ADAMTS17: variants seen among roughly 807,000 people sequenced by gnomAD.
ADAMTS17 encodes ADAM metallopeptidase with thrombospondin type 1 motif 17.
In ADAMTS17, 113 loss-of-function variants were observed where a neutral mutation model predicts 141.5. The ratio of observed to expected loss-of-function variants is 0.80; its 90% CI spans 0.69 to 0.93. ADAMTS17 has a LOEUF of 0.93. Ranked by LOEUF, ADAMTS17 falls within the 40% of genes least tolerant of loss-of-function variation. ADAMTS17 has a pLI of 0.00. For missense variants in ADAMTS17, 1,659 were observed against 1,517.9 expected (o/e 1.09, Z -1.54); for synonymous variants, 768 against 630.6 (o/e 1.22, Z -3.27).
At chr15:100,320,487 A>T (rs558807278) in intron 3 of ADAMTS17, among the ~76,000 whole-genome samples, 11 of 152,338 alleles carry the variant, frequency 7.2e-5, no homozygotes, top group South Asian at 2.1e-4. Context: ...TAGTATCTTT[A>T]AAGTGTGAAG....
At chr15:99,985,478 A>T (rs2060566401) in intron 20 of ADAMTS17, among the ~76,000 whole-genome samples, 1 of 152,258 alleles carries the variant, frequency 6.6e-6, no homozygotes, top group African/African-American at 2.4e-5. Flanking sequence ...GAGAGATAAG[A>T]GATTTACACT....
In ADAMTS17 at chr15:100,120,344, G is replaced by A. The variant is rs1237508209; in HGVS notation, c.1722-3331C>T. On this transcript the variant is annotated intron_variant, in intron 12 of 21. Transcript: ENST00000268070. ...CTGCCCATCCTTCACCCACAAGGCA[G>A]GCAGCTATGTCTGTGCTCCTGTTGC... 3.3e-5 allele frequency among the ~76,000 whole-genome samples: 5 copies of A among 152,328 alleles called. No homozygotes were observed. The East Asian group carries it at 9.6e-4, about 29-fold the overall frequency.
chr15:100,273,230 G>A (rs8039178), intron 4 of ADAMTS17, among the ~76,000 whole-genome samples: 3,542 of 152,226 alleles, frequency 0.023, 126 homozygotes, highest in African/African-American at 0.079. Context: ...GTTAGGAAGT[G>A]TTCTCTCCTC....
intron 4 of ADAMTS17, among the ~76,000 whole-genome samples, chr15:100,272,236 C>CA (rs1303439328): frequency 3.9e-5 from 6 of 152,016 alleles, no homozygotes; most frequent in Admixed American, 2.0e-4. Context: ...TCTATCTCTG[C>CA]AAAAAAGTCA....
chr15:100,019,865 C>T (rs1233926856), intron 18 of ADAMTS17, among the ~76,000 whole-genome samples: 2 of 152,202 alleles, frequency 1.3e-5, no homozygotes, highest in Non-Finnish European at 2.9e-5. Flanking sequence ...CCAGCTCACA[C>T]TTGGAGATGA....
chr15:100,028,521 A>G (rs1259867587), intron 18 of ADAMTS17, among the ~76,000 whole-genome samples: 3 of 152,248 alleles, frequency 2.0e-5, no homozygotes, highest in South Asian at 2.1e-4. Flanking sequence ...CTAGAAAATC[A>G]TAACAGTGAT....
At chr15:100,011,071 CAGTG>C (rs2061157654) in intron 18 of ADAMTS17, among the ~76,000 whole-genome samples, 1 of 151,694 alleles carries the variant, frequency 6.6e-6, no homozygotes, top group Non-Finnish European at 1.5e-5. Context: ...CTTTTGCTAA[CAGTG>C]AGGACTACTG....
intron 10 of ADAMTS17, among the ~76,000 whole-genome samples, chr15:100,142,430 G>A (rs983726486): frequency 2.6e-5 from 4 of 152,194 alleles, no homozygotes; most frequent in African/African-American, 9.7e-5. Context: ...GAAGGGACAG[G>A]CCCATGTGAT....
At chr15:99,974,669 C>G in intron 21 of ADAMTS17, 107 bp from the exon 22 acceptor site, 1 of 1,410,218 alleles carries the variant, frequency 7.1e-7, no homozygotes, top group South Asian at 1.2e-5. Flanking sequence ...CCCTCACCCT[C>G]GTGCACACGT....
rs566556319 is a variant in ADAMTS17 at position 100,073,531 on chromosome 15, A to T, written c.2138-19477T>A. Among the ~76,000 whole-genome samples, 1,094 of 152,106 alleles carry T rather than the reference A, an allele frequency of 7.2e-3. 12 individuals carry two copies. The highest frequency in any genetic ancestry group is 0.025 in the African/African-American group (1,042 of 41,440). The stretch of plus-strand genomic sequence containing the variant: ...ACCAACCCAAATGTCCAATAATGAT[A>T]GACTGGATTAAAAAAATGTGGCACA... On this transcript the variant is annotated intron_variant, in intron 15 of 21. Transcript: ENST00000268070.
rs1308236651 is a variant in ADAMTS17 at position 100,072,140 on chromosome 15, T to TG, written c.2138-18087dup. 1.8e-4 allele frequency among the ~76,000 whole-genome samples: 27 copies of TG among 149,810 alleles called. 1 individual carries two copies. Among genetic ancestry groups the TG allele is most frequent in the Admixed American group, 4.0e-4 (6 of 14,968 alleles). ...GATAAACAGAGAGCCAAATCATGAG[T>TG]GAACTCCCATTCACAATTGCTTCAA... On this transcript the variant is annotated intron_variant, in intron 15 of 21. Coordinates refer to ENST00000268070, the MANE Select transcript of ADAMTS17 (RefSeq NM_139057.4).
At chr15:100,137,674 A>G (rs1485660130) in intron 10 of ADAMTS17, among the ~76,000 whole-genome samples, 1 of 152,238 alleles carries the variant, frequency 6.6e-6, no homozygotes. Flanking sequence ...TAAAGGAAAT[A>G]TTCGAGGAAG....
In ADAMTS17 at chr15:100,073,153, C is replaced by T. The variant is rs560246977; in HGVS notation, c.2138-19099G>A. Among the ~76,000 whole-genome samples the T allele has an allele frequency of 1.4e-4, 22 of 152,246 alleles. No homozygotes were observed. The South Asian group carries it at 2.3e-3, about 16-fold the overall frequency. On this transcript the variant is annotated intron_variant, in intron 15 of 21. Transcript: ENST00000268070. The stretch of plus-strand genomic sequence containing the variant: ...AAGACATTTATGCAGCCAACAGACA[C>T]GTGAAAAAATGCTCACCATCAGTGG...
chr15:100,035,670 G>A (rs541332404), intron 18 of ADAMTS17, among the ~76,000 whole-genome samples: 151 of 152,196 alleles, frequency 9.9e-4, no homozygotes, highest in Admixed American at 3.3e-3. Flanking sequence ...GAGGACAGGC[G>A]GGTCTGCGTG....
intron 20 of ADAMTS17, chr15:99,978,521 G>A (rs758355290): frequency 6.6e-5 from 10 of 152,296 alleles, no homozygotes; most frequent in Admixed American, 3.9e-4. Context: ...TAAACCCTTC[G>A]GAGGCAGCTC....
Position 100,096,413 on chromosome 15 carries a change from CGCTGCAGACCCCGCATCTGTCCTCTTTG to C in ADAMTS17, c.2052_2079del (p.Lys685GlyfsTer9). The C allele has an allele frequency of 6.2e-7, 1 of 1,614,168 alleles. No individual in the cohort carries two copies. Among genetic ancestry groups the C allele is most frequent in the East Asian group, 2.2e-5 (1 of 44,876 alleles). On this transcript the variant is annotated frameshift_variant, in exon 15 of 22. Coordinates refer to ENST00000268070, the MANE Select transcript of ADAMTS17 (RefSeq NM_139057.4). LOFTEE classifies it high-confidence loss of function. ...ACCAAGTGGCAGGTCTTGCCGTCCCCGCTGCAGACCCCGCATCTGTCCTCTTTGGCTGCAGACCCGATGATGCCGTCAC... is the reference window on the plus strand; with the variant it reads ...ACCAAGTGGCAGGTCTTGCCGTCCCCGCTGCAGACCCGATGATGCCGTCAC...
At chr15:100,114,572 G>T (rs949404894) in intron 13 of ADAMTS17, among the ~76,000 whole-genome samples, 1 of 152,218 alleles carries the variant, frequency 6.6e-6, no homozygotes, top group Non-Finnish European at 1.5e-5. Context: ...CCTGTGCAAA[G>T]CCCCGAGCGT....
chr15:100,209,343 G>A (rs2041711454), intron 7 of ADAMTS17, among the ~76,000 whole-genome samples: 1 of 152,154 alleles, frequency 6.6e-6, no homozygotes, highest in Non-Finnish European at 1.5e-5. Context: ...AGGCCTCAGA[G>A]CAGCTCTGGG....
intron 15 of ADAMTS17, among the ~76,000 whole-genome samples, chr15:100,093,339 G>A (rs1026375469): frequency 2.6e-5 from 4 of 152,120 alleles, no homozygotes; most frequent in African/African-American, 9.7e-5. Flanking sequence ...ACAAAATTGG[G>A]CAAAAATCCA....
Sources: allele counts gnomAD v4.1 joint callset (sites outside exome capture counted in the v4.1 genomes callset), GRCh38; gene constraint gnomAD v4.1.1; transcripts MANE v1.5; gene names NCBI Gene and HGNC (gene_info 2026-07-23, HGNC 2026-07-21).